ZC3H12C: variants seen among roughly 807,000 people sequenced by gnomAD.
ZC3H12C encodes probable ribonuclease ZC3H12C.
In ZC3H12C, 20 loss-of-function variants were observed where a neutral mutation model predicts 76.3. That is an observed-to-expected ratio of 0.26 (90% CI 0.18 to 0.38). The LOEUF is 0.38. ZC3H12C is among the 10% of genes least tolerant of loss of function. The pLI is 1.00. For synonymous variants in ZC3H12C, 352 were observed against 399.6 expected, an observed-to-expected ratio of 0.88 and a Z score of 1.42; for missense variants, 874 against 1,086.5, an observed-to-expected ratio of 0.80 and a Z score of 2.75.
intron 1 of ZC3H12C, among the ~76,000 whole-genome samples, chr11:110,107,593 T>C (rs144720287): frequency 0.013 from 2,017 of 152,186 alleles, 24 homozygotes; most frequent in Non-Finnish European, 0.02. Flanking sequence ...TGGTGCAATC[T>C]TGGCTCACTG....
intron 3 of ZC3H12C, among the ~76,000 whole-genome samples, chr11:110,156,024 A>G (rs1422974326): frequency 6.6e-6 from 1 of 152,186 alleles, no homozygotes; most frequent in African/African-American, 2.4e-5. Context: ...AAGTGTGTCT[A>G]AGTTTAGTTT....
At chr11:110,105,366 A>G (rs569763240) in intron 1 of ZC3H12C, among the ~76,000 whole-genome samples, 2 of 152,320 alleles carry the variant, frequency 1.3e-5, no homozygotes, top group East Asian at 3.9e-4. Context: ...TTAGGTTAAA[A>G]TACATTATTT....
rs764263261 is a variant in ZC3H12C, at chr11:110,137,006, G to A, written c.365G>A (p.Arg122Lys). 7 of 1,613,648 alleles carry A rather than the reference G, an allele frequency of 4.3e-6. No homozygotes were observed. Among genetic ancestry groups the A allele is most frequent in the Non-Finnish European group, 5.9e-6 (7 of 1,179,888 alleles). The change falls in exon 2 of 6, where the codon AGG becomes AAG. Residue 122 changes from arginine (R) to lysine (K), a missense_variant. Around this residue, in one of 3 missense-constraint regions of ZC3H12C, gnomAD observed 210 missense variants for 227.1 expected, o/e 0.92. Transcript: ENST00000278590. ...ACTAAGACTCACAGACAGCTCTGCA[G>A]GTCTCCCTGTTTAGAGCCTCACATA... ...LITKTHRQLC[R>K]SPCLEPHILK...
At chr11:110,117,110 A>AATG (rs1861539919) in intron 1 of ZC3H12C, among the ~76,000 whole-genome samples, 2 of 152,200 alleles carry the variant, frequency 1.3e-5, no homozygotes, top group African/African-American at 4.8e-5. Context: ...ATTGAGAGCA[A>AATG]GTTCTGAATG....
intron 3 of ZC3H12C, among the ~76,000 whole-genome samples, chr11:110,154,912 A>AAG (rs1862348120): frequency 6.7e-6 from 1 of 149,178 alleles, no homozygotes; most frequent in Admixed American, 6.7e-5. Context: ...GAATATAAGC[A>AAG]CCAAATAAGA....
At chr11:110,159,174 A>T in intron 3 of ZC3H12C, 82 bp from the exon 4 acceptor site, 3 of 1,046,510 alleles carry the variant, frequency 2.9e-6, no homozygotes, top group Non-Finnish European at 4.3e-6. Context: ...CTTATGTTTT[A>T]GAGTTTCACA....
At chr11:110,149,881 A>G (rs1390980074) in intron 2 of ZC3H12C, among the ~76,000 whole-genome samples, 1 of 152,102 alleles carries the variant, frequency 6.6e-6, no homozygotes, top group Non-Finnish European at 1.5e-5. Context: ...GTGCTCCAAT[A>G]TGTCTATTTT....
chr11:110,154,503 G>A (rs1862337647), intron 3 of ZC3H12C, among the ~76,000 whole-genome samples: 1 of 152,080 alleles, frequency 6.6e-6, no homozygotes, highest in Non-Finnish European at 1.5e-5. Flanking sequence ...GTAAAGCAGA[G>A]AGGTCATCAT....
At chr11:110,153,342 C>A (rs1862311215) in intron 3 of ZC3H12C, among the ~76,000 whole-genome samples, 1 of 152,100 alleles carries the variant, frequency 6.6e-6, no homozygotes, top group Non-Finnish European at 1.5e-5. Flanking sequence ...CGTGTGCCAC[C>A]ACACGCAGCT....
At chr11:110,093,707 CCGGGCTTCCCGGCCCCG>C (rs1319559255) in intron 1 of ZC3H12C, among the ~76,000 whole-genome samples, 1 of 152,042 alleles carries the variant, frequency 6.6e-6, no homozygotes, top group African/African-American at 2.4e-5. Flanking sequence ...CGAGGTGAGG[CCGGGCTTCCCGGCCCCG>C]CGGCCTAAGG....
chr11:110,093,442 CG>C lies in ZC3H12C; in HGVS notation c.21+13del, dbSNP rs745526710. 7 of 1,199,260 alleles carry C rather than the reference CG, an allele frequency of 5.8e-6. 1 individual carries two copies. In the East Asian group the frequency reaches 2.2e-4, roughly 37 times the overall value. The allele number at this position is 1,199,260 out of a possible 1,614,324, so 74.3% of individuals were successfully genotyped here. Reference sequence around the variant, plus strand: ...GGGTGGCGGCTCCCAGGTTTGTCCTCGGGAAGGGGGTGGGGGACGCGGACCG... The same window carrying C: ...GGGTGGCGGCTCCCAGGTTTGTCCTCGGAAGGGGGTGGGGGACGCGGACCG... On this transcript the variant is annotated intron_variant, in intron 1 of 5. Transcript: ENST00000278590.
At chr11:110,099,919 C>G (rs192942896) in intron 1 of ZC3H12C, among the ~76,000 whole-genome samples, 1 of 151,796 alleles carries the variant, frequency 6.6e-6, no homozygotes, top group East Asian at 1.9e-4. Context: ...TCCCATAACA[C>G]TTGCATATTA....
chr11:110,127,089 T>C (rs1861762762), intron 1 of ZC3H12C, among the ~76,000 whole-genome samples: 1 of 152,206 alleles, frequency 6.6e-6, no homozygotes, highest in Non-Finnish European at 1.5e-5. Context: ...AAAAGTGGCA[T>C]GGTTTCATGG....
In ZC3H12C at chr11:110,110,463, C is replaced by T. The variant is rs1486002259; in HGVS notation, c.21+17031C>T. Among the ~76,000 whole-genome samples, 4 of 152,098 alleles carry T rather than the reference C, an allele frequency of 2.6e-5. No individual in the cohort carries two copies. In the East Asian group the frequency reaches 7.7e-4, roughly 29 times the overall value. On this transcript the variant is annotated intron_variant, in intron 1 of 5. Transcript: ENST00000278590. ...ATTTCCAGGAGCACTTCTGAATACT[C>T]TCCACCCTCACACTCAAGATTTTAA... is the stretch of plus-strand genomic sequence containing the variant.
intron 1 of ZC3H12C, among the ~76,000 whole-genome samples, chr11:110,122,120 G>A (rs891303821): frequency 2.0e-5 from 3 of 152,296 alleles, no homozygotes; most frequent in Middle Eastern, 6.8e-3. Context: ...TTTGGTACAA[G>A]CAGCCTAAAG....
intron 2 of ZC3H12C, among the ~76,000 whole-genome samples, chr11:110,151,874 TA>T (rs1325534619): frequency 1.3e-5 from 2 of 152,066 alleles, no homozygotes; most frequent in African/African-American, 2.4e-5. Flanking sequence ...TGTTTTTTAC[TA>T]AAAATGATTA....
chr11:110,165,981 A>G lies in ZC3H12C; in HGVS notation c.*244A>G. The stretch of plus-strand genomic sequence containing the variant: ...TTTTTAAAGCTATATCCTTGGCTGG[A>G]AATTTTTCCAGTTTGATTTAATAGA... On this transcript the variant is annotated 3_prime_UTR_variant, in exon 6 of 6. Transcript: ENST00000278590. The G allele has an allele frequency of 2.3e-6, 1 of 434,006 alleles. No homozygotes were observed. The highest frequency in any genetic ancestry group is 4.1e-6 in the Non-Finnish European group (1 of 246,282). The allele number at this position is 434,006 out of a possible 1,614,324, so 26.9% of individuals were successfully genotyped here.
intron 1 of ZC3H12C, among the ~76,000 whole-genome samples, chr11:110,124,464 C>A (rs1185985345): frequency 6.6e-6 from 1 of 152,152 alleles, no homozygotes; most frequent in Admixed American, 6.5e-5. Flanking sequence ...GTTCTGCTCT[C>A]AAGAAGCCTA....
chr11:110,128,262 G>C (rs1303320013), intron 1 of ZC3H12C, among the ~76,000 whole-genome samples: 2 of 152,108 alleles, frequency 1.3e-5, no homozygotes. Context: ...AAGCCAGCCT[G>C]GGGGCTGTCT....
Sources: gnomAD v4.1 joint callset for allele counts (sites outside exome capture counted in the v4.1 genomes callset) on GRCh38, gnomAD v4.1.1 for gene constraint, gnomAD v4.1.1 regional missense constraint, MANE v1.5 for transcripts, NCBI Gene and HGNC (gene_info 2026-07-23, HGNC 2026-07-21) for gene names.